Variants in ZNF169 observed in about 807,000 individuals in gnomAD.
ZNF169 encodes the protein zinc finger protein 169.
In ZNF169, 11 loss-of-function variants were observed where a neutral mutation model predicts 12.0. The ratio of observed to expected loss-of-function variants is 0.92; its 90% CI spans 0.58 to 1.52. ZNF169 has a LOEUF of 1.52. Ranked by LOEUF, ZNF169 falls within the 40% of genes most tolerant of loss-of-function variation. ZNF169 has a pLI of 0.00. For synonymous variants in ZNF169, 302 were observed against 286.5 expected (o/e 1.05, Z -0.55); for missense variants, 722 against 744.0 (o/e 0.97, Z 0.34).
rs752700334 is a variant in ZNF169 at position 94,299,910 on chromosome 9, CAG to C, written c.354_355del (p.Gln118HisfsTer10). On this transcript the variant is annotated frameshift_variant, in exon 5 of 5. Coordinates refer to ENST00000395395, the MANE Select transcript of ZNF169 (RefSeq NM_194320.4). LOFTEE classifies it low-confidence loss of function (END_TRUNC). ...RQYALSGHPT[Q>X]IFPSSSAGGD... is the part of the protein sequence containing the mutation. Reference sequence around the variant, plus strand: ...ATATGCGCTAAGTGGCCATCCCACACAGATCTTCCCAAGCTCATCTGCAGGAG... The same window carrying C: ...ATATGCGCTAAGTGGCCATCCCACACATCTTCCCAAGCTCATCTGCAGGAG... 1 of 1,614,160 alleles carries C rather than the reference CAG, an allele frequency of 6.2e-7. No individual in the cohort carries two copies. Among genetic ancestry groups the C allele is most frequent in the Non-Finnish European group, 8.5e-7 (1 of 1,180,042 alleles).
intron 2 of ZNF169, chr9:94,288,601 T>C (rs938103034): frequency 1.9e-5 from 8 of 415,332 alleles, no homozygotes; most frequent in African/African-American, 1.6e-4. Context: ...ACAGGGGCTC[T>C]GGTGCAGAGG....
chr9:94,288,447 C>T, intron 2 of ZNF169: 1 of 1,104,046 alleles, frequency 9.1e-7, no homozygotes, highest in South Asian at 1.2e-5. Context: ...ATCCATTCTT[C>T]TCTTTTGTTT....
chr9:94,265,029 T>TTTG (rs1554712998), intron 1 of ZNF169, among the ~76,000 whole-genome samples: 2 of 148,292 alleles, frequency 1.3e-5, no homozygotes, highest in East Asian at 2.0e-4. Context: ...CTGTTTTTTT[T>TTTG]TTTTTTTTTT....
At chr9:94,260,812 A>ATTTTTT (rs561717345) in intron 1 of ZNF169, among the ~76,000 whole-genome samples, 1 of 70,082 alleles carries the variant, frequency 1.4e-5, no homozygotes, top group African/African-American at 3.9e-5. Flanking sequence ...CCAAACCTAC[A>ATTTTTT]TTTTTTTTTT....
intron 1 of ZNF169, among the ~76,000 whole-genome samples, chr9:94,264,689 G>C (rs1320438211): frequency 5.3e-5 from 8 of 152,124 alleles, no homozygotes; most frequent in Middle Eastern, 3.2e-3. Context: ...ACTCTTAAGT[G>C]TACAATTCGA....
rs778654551 is a variant in ZNF169 at position 94,300,172 on chromosome 9, A to T, written c.614A>T (p.Asp205Val). ...GGSDTMLKGA[D>V]TSESGAVIRG... Reference sequence around the variant, plus strand: ...TCAGACACAATGTTGAAGGGAGCAGACACTTCAGAATCTGGAGCAGTCATA... The same window carrying T: ...TCAGACACAATGTTGAAGGGAGCAGTCACTTCAGAATCTGGAGCAGTCATA... Residue 205 changes from aspartate to valine, a missense_variant, in exon 5 of 5, where the codon GAC (aspartate) becomes GTC (valine). Coordinates refer to ENST00000395395, the MANE Select transcript of ZNF169 (RefSeq NM_194320.4). 6.2e-7 allele frequency: 1 copy of T among 1,614,168 alleles called. No individual in the cohort carries two copies. The highest frequency in any genetic ancestry group is 2.2e-5 in the East Asian group (1 of 44,876).
At chr9:94,260,870 G>A (rs1448884468) in intron 1 of ZNF169, among the ~76,000 whole-genome samples, 3 of 139,726 alleles carry the variant, frequency 2.1e-5, no homozygotes, top group Non-Finnish European at 3.1e-5. Flanking sequence ...GCCCAGGCTG[G>A]AGTGCAGTGG....
At chr9:94,288,521 C>T (rs1830762791) in intron 2 of ZNF169, 1 of 588,754 alleles carries the variant, frequency 1.7e-6, no homozygotes, top group Non-Finnish European at 3.2e-6. Flanking sequence ...GCAGATTTGA[C>T]AGGATCTCAT....
chr9:94,289,776 T>G (rs538717033), intron 2 of ZNF169, among the ~76,000 whole-genome samples: 2 of 152,078 alleles, frequency 1.3e-5, no homozygotes, highest in African/African-American at 4.8e-5. Context: ...GGTGACAGAA[T>G]GAGACTCTGT....
chr9:94,262,937 T>C (rs1564080634), intron 1 of ZNF169, among the ~76,000 whole-genome samples: 3 of 152,210 alleles, frequency 2.0e-5, no homozygotes, highest in African/African-American at 4.8e-5. Flanking sequence ...CTTATTTAAT[T>C]CCATTCAGGT....
intron 2 of ZNF169, chr9:94,287,668 A>G: frequency 2.0e-6 from 2 of 987,790 alleles, no homozygotes; most frequent in Non-Finnish European, 3.2e-6. Flanking sequence ...CCGGCCAAAA[A>G]TAGTTTAAAA....
At chr9:94,293,233 TC>T in intron 4 of ZNF169, 164 bp downstream of exon 4, 3 of 675,408 alleles carry the variant, frequency 4.4e-6, no homozygotes, top group Non-Finnish European at 5.3e-6. Context: ...ACTGTGTGCC[TC>T]CCCCCAGGAC....
chr9:94,279,958 T>C (rs1359476116), intron 2 of ZNF169, among the ~76,000 whole-genome samples: 1 of 152,254 alleles, frequency 6.6e-6, no homozygotes, highest in African/African-American at 2.4e-5. Context: ...GAACTTGATG[T>C]AGCTGAATGG....
chr9:94,300,761 T>C lies in ZNF169; in HGVS notation c.1203T>C (p.Pro401=). 1 of 1,609,078 alleles carries C rather than the reference T, an allele frequency of 6.2e-7. No homozygotes were observed. Among genetic ancestry groups the C allele is most frequent in the South Asian group, 1.1e-5 (1 of 90,838 alleles). The change falls in exon 5 of 5, where the codon CCT becomes CCC. Residue 401 remains proline (P), a synonymous_variant. Coordinates refer to ENST00000395395, the MANE Select transcript of ZNF169 (RefSeq NM_194320.4). ...SHQVTHSGEK[P]YVCAECGHSF... ...AGGTCACACACTCAGGAGAGAAGCC[T>C]TATGTCTGTGCTGAGTGTGGGCACA...
chr9:94,294,429 C>A (rs926848530), intron 4 of ZNF169: 4 of 151,878 alleles, frequency 2.6e-5, no homozygotes, highest in Non-Finnish European at 4.4e-5. Context: ...CAGAGCGAGT[C>A]TCCATCTCAC....
Position 94,300,190 on chromosome 9 carries a change from C to T in ZNF169, c.632C>T (p.Ala211Val). The change falls in exon 5 of 5, where the codon GCA (alanine) becomes GTA (valine). Residue 211 changes from alanine to valine, a missense_variant. Physicochemically the swap from Ala to Val is moderately conservative, Grantham distance 64. Coordinates refer to ENST00000395395, the MANE Select transcript of ZNF169 (RefSeq NM_194320.4). ...GGAGCAGACACTTCAGAATCTGGAGCAGTCATACGTGGAAACTATAGACTG... is the reference window on the plus strand; with the variant it reads ...GGAGCAGACACTTCAGAATCTGGAGTAGTCATACGTGGAAACTATAGACTG... ...LKGADTSESG[A>V]VIRGNYRLGL... 1 of 1,614,168 alleles carries T rather than the reference C, an allele frequency of 6.2e-7. No individual in the cohort carries two copies. Among genetic ancestry groups the T allele is most frequent in the South Asian group, 1.1e-5 (1 of 91,078 alleles).
rs1171028584 is a variant in ZNF169, at chr9:94,301,194, G to A, written c.1636G>A (p.Glu546Lys). ...AGGAGAGAAGCCCTGCATTTGCGATGAATGTGGGCGCGGCTTTGGCTTTAA... is the reference window on the plus strand; with the variant it reads ...AGGAGAGAAGCCCTGCATTTGCGATAAATGTGGGCGCGGCTTTGGCTTTAA... ...HSGEKPCICDECGRGFGFKSA... is the reference protein window; with the variant it reads ...HSGEKPCICDKCGRGFGFKSA... Residue 546 changes from glutamate (E) to lysine (K), a missense_variant, in exon 5 of 5, where the codon GAA becomes AAA. Coordinates refer to ENST00000395395, the MANE Select transcript of ZNF169 (RefSeq NM_194320.4). The A allele has an allele frequency of 1.2e-6, 2 of 1,614,154 alleles. No individual in the cohort carries two copies. Among genetic ancestry groups the A allele is most frequent in the African/African-American group, 2.7e-5 (2 of 75,042 alleles).
At chr9:94,289,096 C>A (rs115969192) in intron 2 of ZNF169, among the ~76,000 whole-genome samples, 2,457 of 152,180 alleles carry the variant, frequency 0.016, 26 homozygotes, top group Middle Eastern at 0.058. Flanking sequence ...AAGTTCTATA[C>A]AATTATTCAA....
intron 1 of ZNF169, among the ~76,000 whole-genome samples, chr9:94,273,408 A>G (rs1204856029): frequency 3.3e-5 from 5 of 151,100 alleles, no homozygotes; most frequent in Non-Finnish European, 7.4e-5. Flanking sequence ...TTAATTCTCT[A>G]TAGTTTTATT....
Sources: allele counts gnomAD v4.1 joint callset (sites outside exome capture counted in the v4.1 genomes callset), GRCh38; gene constraint gnomAD v4.1.1; transcripts MANE v1.5; gene names NCBI Gene and HGNC (gene_info 2026-07-23, HGNC 2026-07-21).